The following KHDRBS2 variants were observed in gnomAD, a reference collection of about 807,000 sequenced individuals.
The protein encoded by KHDRBS2 is KH domain-containing, RNA-binding, signal transduction-associated protein 2.
In KHDRBS2, 26 loss-of-function variants were observed where a neutral mutation model predicts 44.3. The observed-to-expected ratio is 0.59, with a 90% CI of 0.43 to 0.81. The LOEUF (loss-of-function observed/expected upper bound fraction) is 0.81. KHDRBS2 is among the 40% of genes least tolerant of loss of function. KHDRBS2 has a pLI of 0.00. For missense variants in KHDRBS2, 476 were observed against 433.1 expected (o/e 1.10, Z -0.88); for synonymous variants, 194 against 151.1 (o/e 1.28, Z -2.08).
intron 2 of KHDRBS2, among the ~76,000 whole-genome samples, chr6:62,154,455 T>C (rs982827089): frequency 5.9e-5 from 9 of 152,154 alleles, no homozygotes; most frequent in Non-Finnish European, 1.0e-4. Flanking sequence ...AAATTTTAAT[T>C]TATAAAAATA....
At chr6:62,116,415 A>AT (rs1806242550) in intron 2 of KHDRBS2, among the ~76,000 whole-genome samples, 1 of 152,032 alleles carries the variant, frequency 6.6e-6, no homozygotes, top group Non-Finnish European at 1.5e-5. Flanking sequence ...CTGCATATAA[A>AT]TGAGTCTATA....
intron 4 of KHDRBS2, among the ~76,000 whole-genome samples, chr6:61,966,669 C>CA (rs1203227746): frequency 6.6e-6 from 1 of 152,024 alleles, no homozygotes; most frequent in Non-Finnish European, 1.5e-5. Context: ...TGGCATTCCA[C>CA]AGCACCCCAA....
chr6:61,674,028 A>C, the KHDRBS2 span, among the ~76,000 whole-genome samples: 1 of 151,820 alleles, frequency 6.6e-6, no homozygotes, highest in African/African-American at 2.4e-5. Flanking sequence ...CAGATTGACG[A>C]ATAAAAGCTT....
chr6:61,945,112 A>AATATATATATATATATAT (rs1491476068), intron 4 of KHDRBS2, among the ~76,000 whole-genome samples: 1 of 48,416 alleles, frequency 2.1e-5, no homozygotes, highest in Non-Finnish European at 3.6e-5. Flanking sequence ...AAAAAAAAAA[A>AATATATATATATATATAT]GTATATATAT....
chr6:61,587,859 G>A, the KHDRBS2 span, among the ~76,000 whole-genome samples: 2 of 151,752 alleles, frequency 1.3e-5, no homozygotes, highest in African/African-American at 4.8e-5. Context: ...CTCCCTTCCA[G>A]AGATTGATGT....
intron 4 of KHDRBS2, among the ~76,000 whole-genome samples, chr6:61,954,679 C>T (rs1205480482): frequency 8.1e-6 from 1 of 123,354 alleles, no homozygotes; most frequent in African/African-American, 2.8e-5. Flanking sequence ...TATACACATA[C>T]ATACTTATGT....
At chr6:62,280,360 G>A (rs1470177135) in intron 1 of KHDRBS2, among the ~76,000 whole-genome samples, 1 of 152,022 alleles carries the variant, frequency 6.6e-6, no homozygotes, top group Non-Finnish European at 1.5e-5. Context: ...AGGATGATGA[G>A]GGCAAGAAAC....
At chr6:61,682,953 G>A (rs1321444087) in intron 8 of KHDRBS2, among the ~76,000 whole-genome samples, 1 of 151,724 alleles carries the variant, frequency 6.6e-6, no homozygotes, top group African/African-American at 2.4e-5. Flanking sequence ...GATAATCCAG[G>A]CTATATCATT....
intron 6 of KHDRBS2, among the ~76,000 whole-genome samples, chr6:61,857,659 C>A (rs181331529): frequency 2.0e-5 from 3 of 151,990 alleles, no homozygotes; most frequent in Admixed American, 6.6e-5. Context: ...GAGTGAACCC[C>A]AGCAAGTTAT....
At chr6:62,256,431 C>T (rs1198226039) in intron 1 of KHDRBS2, among the ~76,000 whole-genome samples, 7 of 151,964 alleles carry the variant, frequency 4.6e-5, no homozygotes, top group Non-Finnish European at 1.0e-4. Flanking sequence ...CTTTCCCTTG[C>T]TATTCTCATG....
intron 6 of KHDRBS2, among the ~76,000 whole-genome samples, chr6:61,765,423 C>T (rs1562120747): frequency 6.6e-6 from 1 of 151,882 alleles, no homozygotes; most frequent in Non-Finnish European, 1.5e-5. Flanking sequence ...TGCACTCCAA[C>T]GTGGGCAACA....
chr6:62,151,661 G>C (rs972156926), intron 2 of KHDRBS2, among the ~76,000 whole-genome samples: 6 of 152,112 alleles, frequency 3.9e-5, no homozygotes, highest in Non-Finnish European at 7.4e-5. Context: ...TACTCAACCT[G>C]TTAGGTGGTG....
chr6:61,653,685 G>A, the KHDRBS2 span, among the ~76,000 whole-genome samples: 1 of 151,872 alleles, frequency 6.6e-6, no homozygotes, highest in Non-Finnish European at 1.5e-5. Flanking sequence ...CACAAATTGA[G>A]GCTACAAATC....
rs916899981 is a variant in KHDRBS2 at position 61,680,486 on chromosome 6, C to T, written c.*477G>A. The T allele has an allele frequency of 2.6e-5, 4 of 152,090 alleles. No individual in the cohort carries two copies. Among genetic ancestry groups the T allele is most frequent in the African/African-American group, 9.7e-5 (4 of 41,348 alleles). The allele number at this position is 152,090 out of a possible 1,614,324, so 9.4% of individuals were successfully genotyped here. A position where few individuals can be genotyped will look rare whatever the true frequency, so the allele number is the denominator to read the frequency against. The stretch of plus-strand genomic sequence containing the variant: ...CTTAATATCAAACATCTTTGTCTAA[C>T]TAACAGATATTAAAAGACAGGTTAA... On this transcript the variant is annotated 3_prime_UTR_variant, in exon 9 of 9. Coordinates refer to ENST00000281156, the MANE Select transcript of KHDRBS2 (RefSeq NM_152688.4).
chr6:61,727,976 A>G (rs1773845784), intron 7 of KHDRBS2, among the ~76,000 whole-genome samples: 1 of 152,158 alleles, frequency 6.6e-6, no homozygotes, highest in Admixed American at 6.6e-5. Context: ...ATGCACACAT[A>G]TGTTCACTGA....
intron 4 of KHDRBS2, among the ~76,000 whole-genome samples, chr6:61,911,663 A>C (rs1806067464): frequency 6.6e-6 from 1 of 152,074 alleles, no homozygotes; most frequent in African/African-American, 2.4e-5. Context: ...GACATTTGCT[A>C]TATTTCTTCA....
intron 6 of KHDRBS2, among the ~76,000 whole-genome samples, chr6:61,775,387 A>G (rs184876736): frequency 1.3e-5 from 2 of 152,266 alleles, no homozygotes; most frequent in African/African-American, 4.8e-5. Flanking sequence ...TACATCTAGA[A>G]AACCCCATCA....
chr6:61,631,945 T>C, the KHDRBS2 span, among the ~76,000 whole-genome samples: 6 of 152,128 alleles, frequency 3.9e-5, no homozygotes, highest in African/African-American at 4.8e-5. Context: ...TCAAAGACTA[T>C]CTGTGAAACT....
At chr6:62,219,220 A>G (rs1176272915) in intron 1 of KHDRBS2, among the ~76,000 whole-genome samples, 1 of 152,034 alleles carries the variant, frequency 6.6e-6, no homozygotes, top group Admixed American at 6.6e-5. Context: ...AGAATTAATG[A>G]ACTTGGAGAT....
Sources: allele counts gnomAD v4.1 joint callset (sites outside exome capture counted in the v4.1 genomes callset), GRCh38; gene constraint gnomAD v4.1.1; transcripts MANE v1.5; gene names NCBI Gene and HGNC (gene_info 2026-07-23, HGNC 2026-07-21).